FOXJ3: variants seen among roughly 807,000 people sequenced by gnomAD.
The protein encoded by FOXJ3 is forkhead box J3, also known as forkhead box protein J3.
In FOXJ3, 22 loss-of-function variants were observed where a neutral mutation model predicts 76.1. The observed-to-expected ratio is 0.29, with a 90% confidence interval of 0.21 to 0.41. FOXJ3 has a LOEUF of 0.41. Ranked by LOEUF, FOXJ3 falls within the 10% of genes least tolerant of loss-of-function variation. FOXJ3 has a pLI of 1.00. For missense variants in FOXJ3, 613 were observed against 762.1 expected, an observed-to-expected ratio of 0.80 and a Z score of 2.30; for synonymous variants, 269 against 261.2, an observed-to-expected ratio of 1.03 and a Z score of -0.29.
rs1202058760 is a variant in FOXJ3, at chr1:42,188,640, T to C, written c.1645+97A>G. 3.7e-5 allele frequency: 25 copies of C among 677,606 alleles called. No individual in the cohort carries two copies. In the East Asian group the frequency reaches 7.1e-4, roughly 19 times the overall value. 42.0% of individuals were successfully genotyped at this position (677,606 alleles called of 1,614,324 possible). A position where few individuals can be genotyped will look rare whatever the true frequency, so the allele number is the denominator to read the frequency against. On this transcript the variant is annotated intron_variant, in intron 11 of 12. Transcript: ENST00000361346. ...AAATAAAAATTTGTAAACAGATCAC[T>C]GTCACCATTAGCAGCAAACCAAGTT...
chr1:42,244,271 A>G (rs914376497), intron 4 of FOXJ3, among the ~76,000 whole-genome samples: 3 of 152,220 alleles, frequency 2.0e-5, no homozygotes, highest in African/African-American at 7.2e-5. Flanking sequence ...AAGAACCTGA[A>G]AAACAAGAAC....
At chr1:42,296,574 C>A (rs888955932) in intron 2 of FOXJ3, among the ~76,000 whole-genome samples, 2 of 152,202 alleles carry the variant, frequency 1.3e-5, no homozygotes, top group African/African-American at 4.8e-5. Context: ...GTCCTTTCTC[C>A]ACTGTTTATT....
Position 42,205,878 on chromosome 1 carries a change from C to T in FOXJ3, c.529-15G>A, listed in dbSNP as rs1279981675. ...GGAGTTGAGGCCTAAAATACAAGAA[C>T]AAAATAAATAATTATTAGCTCATAT... is the stretch of plus-strand genomic sequence containing the variant. On this transcript the variant is annotated splice_polypyrimidine_tract_variant and intron_variant, in intron 5 of 12. Coordinates refer to ENST00000361346, the MANE Select transcript of FOXJ3 (RefSeq NM_014947.5). The T allele has an allele frequency of 6.9e-7, 1 of 1,458,192 alleles. No homozygotes were observed. Among genetic ancestry groups the T allele is most frequent in the Non-Finnish European group, 9.6e-7 (1 of 1,043,898 alleles). The allele number at this position is 1,458,192 out of a possible 1,614,324, so 90.3% of individuals were successfully genotyped here. A position where few individuals can be genotyped will look rare whatever the true frequency, so the allele number is the denominator to read the frequency against.
At chr1:42,199,014 A>AT in intron 7 of FOXJ3, 88 bp downstream of exon 7, 1 of 1,086,046 alleles carries the variant, frequency 9.2e-7, no homozygotes, top group South Asian at 1.6e-5. Context: ...ACATACCTTC[A>AT]TTTTTAAATT....
intron 3 of FOXJ3, among the ~76,000 whole-genome samples, chr1:42,271,544 A>G (rs1651866887): frequency 6.6e-6 from 1 of 152,128 alleles, no homozygotes; most frequent in Admixed American, 6.5e-5. Context: ...AAAGTAGCAC[A>G]ATACACCCAC....
chr1:42,316,837 A>G (rs962178351), intron 1 of FOXJ3, among the ~76,000 whole-genome samples: 2 of 152,172 alleles, frequency 1.3e-5, no homozygotes, highest in Non-Finnish European at 2.9e-5. Flanking sequence ...ATGCAAAGGC[A>G]TAAGAATGAT....
intron 1 of FOXJ3, among the ~76,000 whole-genome samples, chr1:42,324,090 T>TGTATATATACA (rs1655611800): frequency 1.1e-5 from 1 of 87,340 alleles, no homozygotes; most frequent in East Asian, 3.0e-4. Context: ...GTATATATAC[T>TGTATATATACA]GTATATATAC....
intron 4 of FOXJ3, among the ~76,000 whole-genome samples, chr1:42,245,038 G>A (rs1013014668): frequency 6.6e-6 from 1 of 151,984 alleles, no homozygotes; most frequent in African/African-American, 2.4e-5. Context: ...ACATTAGCTG[G>A]GCATGGTGGC....
intron 2 of FOXJ3, among the ~76,000 whole-genome samples, chr1:42,297,051 G>C (rs777328591): frequency 3.3e-5 from 5 of 151,922 alleles, no homozygotes; most frequent in Non-Finnish European, 7.4e-5. Context: ...GGGGTGTGCG[G>C]GTGTGGGTGT....
At chr1:42,202,514 A>G (rs776602521) in intron 6 of FOXJ3, among the ~76,000 whole-genome samples, 51 of 152,236 alleles carry the variant, frequency 3.4e-4, no homozygotes, top group Non-Finnish European at 6.2e-4. Flanking sequence ...GCAAAGGAAT[A>G]AAGAATAGCA....
At chr1:42,248,195 G>T (rs1649695579) in intron 4 of FOXJ3, among the ~76,000 whole-genome samples, 1 of 152,090 alleles carries the variant, frequency 6.6e-6, no homozygotes, top group Non-Finnish European at 1.5e-5. Flanking sequence ...AGTGATGATT[G>T]CACAACTTTG....
chr1:42,280,857 G>A (rs193091368), intron 2 of FOXJ3, among the ~76,000 whole-genome samples: 283 of 152,272 alleles, frequency 1.9e-3, no homozygotes, highest in African/African-American at 6.4e-3. Flanking sequence ...AATAAGAGTA[G>A]TTGCTTATAT....
intron 6 of FOXJ3, among the ~76,000 whole-genome samples, chr1:42,199,636 A>ATT (rs35943682): frequency 6.7e-6 from 1 of 149,852 alleles, no homozygotes; most frequent in Non-Finnish European, 1.5e-5. Flanking sequence ...AAAAAAAAAG[A>ATT]TTTTTTTTTT....
chr1:42,192,327 A>C (rs1390048257), intron 8 of FOXJ3, among the ~76,000 whole-genome samples: 1 of 152,214 alleles, frequency 6.6e-6, no homozygotes, highest in African/African-American at 2.4e-5. Context: ...TCCAGCACAA[A>C]TATCTCAGTT....
intron 2 of FOXJ3, chr1:42,280,451 A>C (rs1322940427): frequency 1.0e-6 from 1 of 964,426 alleles, no homozygotes; most frequent in Non-Finnish European, 1.2e-6. Context: ...AAAAAAAAAA[A>C]AAAAAAAAAA....
At chr1:42,292,462 T>C (rs981206384) in intron 2 of FOXJ3, among the ~76,000 whole-genome samples, 31 of 151,862 alleles carry the variant, frequency 2.0e-4, no homozygotes, top group Non-Finnish European at 2.9e-4. Context: ...ATATACCCAA[T>C]GGAATAAAAA....
chr1:42,311,332 C>A (rs921290840), intron 1 of FOXJ3, among the ~76,000 whole-genome samples: 4 of 152,118 alleles, frequency 2.6e-5, no homozygotes, highest in Non-Finnish European at 4.4e-5. Flanking sequence ...TATCAGGAAG[C>A]CTACAGACAT....
At chr1:42,260,501 G>A (rs964221822) in intron 4 of FOXJ3, among the ~76,000 whole-genome samples, 2 of 152,142 alleles carry the variant, frequency 1.3e-5, no homozygotes, top group East Asian at 3.9e-4. Flanking sequence ...AGGAGTTCAA[G>A]ACCAGTCCAG....
intron 9 of FOXJ3, among the ~76,000 whole-genome samples, chr1:42,190,745 T>C (rs1011930368): frequency 7.9e-5 from 12 of 152,354 alleles, no homozygotes; most frequent in East Asian, 1.9e-4. Flanking sequence ...GTTGTTGTTG[T>C]TGTGGGTAAG....
Sources: allele counts gnomAD v4.1 joint callset (sites outside exome capture counted in the v4.1 genomes callset), GRCh38; gene constraint gnomAD v4.1.1; transcripts MANE v1.5; gene names NCBI Gene and HGNC (gene_info 2026-07-23, HGNC 2026-07-21).